The following RXFP2 variants were observed in gnomAD, a reference collection of about 807,000 sequenced individuals.
RXFP2 encodes relaxin receptor 2.
Under a neutral mutation model 88.6 loss-of-function variants are expected in RXFP2, and 68 were observed. The ratio of observed to expected loss-of-function variants is 0.77; its 90% confidence interval spans 0.63 to 0.94. The LOEUF (loss-of-function observed/expected upper bound fraction) is 0.94. Ranked by LOEUF, RXFP2 falls within the 40% of genes least tolerant of loss-of-function variation. The pLI is 0.00. For synonymous variants in RXFP2, 329 were observed against 306.8 expected (o/e 1.07, Z -0.76); for missense variants, 791 against 893.9 (o/e 0.88, Z 1.47).
chr13:31,740,323 A>G (rs1871180272), intron 1 of RXFP2, among the ~76,000 whole-genome samples: 1 of 152,116 alleles, frequency 6.6e-6, no homozygotes, highest in East Asian at 1.9e-4. Context: ...TGTAAAGCTC[A>G]CCAAAAAATA....
At chr13:31,779,274 C>A (rs1241695582) in intron 9 of RXFP2, among the ~76,000 whole-genome samples, 4 of 152,002 alleles carry the variant, frequency 2.6e-5, no homozygotes, top group Non-Finnish European at 5.9e-5. Context: ...TACAGGCATG[C>A]ACCACCAGGC....
At position 31,798,707 on chromosome 13, in the gene RXFP2, A is replaced by T. The variant is rs112424650; in HGVS notation, c.2005+1288A>T. ...AATATTTCTTACCTCCCACCCTCGT[A>T]CACTGTGATCCAGGCCCACTGGAAT... On this transcript the variant is annotated intron_variant, in intron 17 of 17. Transcript: ENST00000298386. 3.1e-3 allele frequency among the ~76,000 whole-genome samples: 468 copies of T among 152,276 alleles called. 1 individual carries two copies. The highest frequency in any genetic ancestry group is 0.011 in the African/African-American group (452 of 41,532).
intron 16 of RXFP2, 98 bp downstream of exon 16, chr13:31,793,186 A>AGTCACTTTCTTGACTATCTTG (rs1873878273): frequency 6.2e-6 from 7 of 1,120,512 alleles, no homozygotes; most frequent in Non-Finnish European, 9.1e-6. Context: ...AAAGTGAGAT[A>AGTCACTTTCTTGACTATCTTG]ACATAGTCAA....
chr13:31,768,185 G>A (rs145631504), intron 5 of RXFP2, among the ~76,000 whole-genome samples: 1 of 152,226 alleles, frequency 6.6e-6, no homozygotes, highest in Non-Finnish European at 1.5e-5. Flanking sequence ...GAGAAAACAG[G>A]CACCACATCA....
intron 14 of RXFP2, 25 bp downstream of exon 14, chr13:31,789,218 A>T: frequency 6.9e-7 from 1 of 1,444,900 alleles, no homozygotes; most frequent in Non-Finnish European, 9.7e-7. Context: ...AAAATGGAGG[A>T]GGAAGCATGG....
chr13:31,753,771 G>A (rs1452351713), intron 1 of RXFP2, among the ~76,000 whole-genome samples: 1 of 152,028 alleles, frequency 6.6e-6, no homozygotes, highest in African/African-American at 2.4e-5. Context: ...GCTGCTTTGG[G>A]AAGCTTAAAT....
intron 1 of RXFP2, among the ~76,000 whole-genome samples, chr13:31,751,631 A>G (rs1242130534): frequency 6.6e-6 from 1 of 152,232 alleles, no homozygotes; most frequent in African/African-American, 2.4e-5. Context: ...TCCCACTCAG[A>G]GGAAGAACAG....
intron 1 of RXFP2, among the ~76,000 whole-genome samples, chr13:31,756,856 A>G (rs1040609511): frequency 1.3e-5 from 2 of 152,064 alleles, no homozygotes; most frequent in Non-Finnish European, 1.5e-5. Context: ...GCTGGCCTCA[A>G]GTAATTTCCC....
At chr13:31,743,682 C>G (rs1871299964) in intron 1 of RXFP2, among the ~76,000 whole-genome samples, 1 of 151,960 alleles carries the variant, frequency 6.6e-6, no homozygotes, top group African/African-American at 2.4e-5. Flanking sequence ...TCCTCCCTGC[C>G]TCTGCAGGCA....
chr13:31,780,490 C>T (rs1381792967), intron 9 of RXFP2, among the ~76,000 whole-genome samples: 2 of 152,170 alleles, frequency 1.3e-5, no homozygotes, highest in African/African-American at 4.8e-5. Context: ...GAAAAATGTA[C>T]ATCTCAAGTT....
At chr13:31,797,808 A>T (rs1874128978) in intron 17 of RXFP2, among the ~76,000 whole-genome samples, 1 of 152,230 alleles carries the variant, frequency 6.6e-6, no homozygotes, top group South Asian at 2.1e-4. Context: ...ATGCACACTC[A>T]TCTGGCTAGA....
chr13:31,782,940 G>A (rs1873355269), intron 11 of RXFP2, among the ~76,000 whole-genome samples, 193 bp downstream of exon 11: 3 of 152,124 alleles, frequency 2.0e-5, no homozygotes, highest in African/African-American at 7.2e-5. Flanking sequence ...GCTAAATATG[G>A]ATTTAACCTA....
At position 31,799,553 on chromosome 13, in the gene RXFP2, G is replaced by T. The variant is rs189622172; in HGVS notation, c.2005+2134G>T. Reference sequence around the variant, plus strand: ...TTTTGATGTGCTTTCCCACTTGTAGGGGGACGCAGCCTAGTGTGGTGGAAG... The same window carrying T: ...TTTTGATGTGCTTTCCCACTTGTAGTGGGACGCAGCCTAGTGTGGTGGAAG... On this transcript the variant is annotated intron_variant, in intron 17 of 17. Transcript: ENST00000298386. Among the ~76,000 whole-genome samples the T allele has an allele frequency of 2.9e-3, 445 of 152,238 alleles. 2 individuals are homozygous for T. The highest frequency in any genetic ancestry group is 0.01 in the African/African-American group (429 of 41,536).
chr13:31,754,043 G>T (rs1871805129), intron 1 of RXFP2, among the ~76,000 whole-genome samples: 1 of 152,174 alleles, frequency 6.6e-6, no homozygotes, highest in East Asian at 1.9e-4. Flanking sequence ...CAGTCGGCAG[G>T]TTCTATTCGT....
intron 16 of RXFP2, 149 bp from the exon 17 acceptor site, chr13:31,797,052 T>G: frequency 1.5e-6 from 1 of 681,042 alleles, no homozygotes. Flanking sequence ...CCAAGATATA[T>G]CATTATGAAT....
Position 31,792,752 on chromosome 13 carries a change from A to G in RXFP2, c.1450A>G (p.Lys484Glu). ...TATAAAATACCGAGGGCAGTATCAG[A>G]AGTATGCCTTGCTGTGGATGGAGAG... is the stretch of plus-strand genomic sequence containing the variant. Reference protein sequence around the residue: ...FDIKYRGQYQKYALLWMESVQ... With the variant: ...FDIKYRGQYQEYALLWMESVQ... The change falls in exon 16 of 18, where the codon AAG becomes GAG. Residue 484 changes from lysine to glutamate, a missense_variant. Lys to Glu is a moderately conservative substitution (Grantham distance 56). Coordinates refer to ENST00000298386, the MANE Select transcript of RXFP2 (RefSeq NM_130806.5). 6.2e-7 allele frequency: 1 copy of G among 1,614,152 alleles called. No homozygotes were observed. The highest frequency in any genetic ancestry group is 8.5e-7 in the Non-Finnish European group (1 of 1,180,018).
chr13:31,787,507 C>T (rs930916452), intron 13 of RXFP2, among the ~76,000 whole-genome samples: 4 of 152,174 alleles, frequency 2.6e-5, no homozygotes, highest in African/African-American at 4.8e-5. Flanking sequence ...CTTTGCTTAC[C>T]GCATACTGCA....
intron 1 of RXFP2, among the ~76,000 whole-genome samples, chr13:31,756,542 A>G (rs1442745330): frequency 1.3e-5 from 2 of 151,420 alleles, no homozygotes; most frequent in South Asian, 2.1e-4. Context: ...CACATCCCTC[A>G]TTCCCTTCAA....
At chr13:31,749,098 C>A (rs1871552202) in intron 1 of RXFP2, among the ~76,000 whole-genome samples, 2 of 152,138 alleles carry the variant, frequency 1.3e-5, no homozygotes, top group Admixed American at 1.3e-4. Flanking sequence ...TCTTTGTATT[C>A]TCCTTAATAC....
Sources: gnomAD v4.1 joint callset for allele counts (sites outside exome capture counted in the v4.1 genomes callset) on GRCh38, gnomAD v4.1.1 for gene constraint, MANE v1.5 for transcripts, NCBI Gene and HGNC (gene_info 2026-07-23, HGNC 2026-07-21) for gene names.